PAK1: variants seen among roughly 807,000 people sequenced by gnomAD.
PAK1 encodes the protein p21 (RAC1) activated kinase 1, also known as serine/threonine-protein kinase PAK 1.
Under a neutral mutation model 67.4 loss-of-function variants are expected in PAK1, and 29 were observed. That is an observed-to-expected ratio of 0.43 (90% CI 0.32 to 0.59). The LOEUF (loss-of-function observed/expected upper bound fraction) is 0.59. Ranked by LOEUF, PAK1 falls within the 20% of genes least tolerant of loss-of-function variation. The pLI, the probability that PAK1 is intolerant of heterozygous loss-of-function variation, is 0.07. For missense variants in PAK1, 337 were observed against 670.7 expected (o/e 0.50, Z 5.50); for synonymous variants, 223 against 237.4 (o/e 0.94, Z 0.56).
chr11:77,392,245 T>C, intron 2 of PAK1, 86 bp downstream of exon 2: 1 of 960,024 alleles, frequency 1.0e-6, no homozygotes, highest in Middle Eastern at 3.4e-4. Context: ...GAAAATTAAG[T>C]CAAAGACAAC....
chr11:77,452,783 C>T (rs1382869835), intron 1 of PAK1, among the ~76,000 whole-genome samples: 1 of 152,216 alleles, frequency 6.6e-6, no homozygotes, highest in Admixed American at 6.5e-5. Context: ...GTTGGCACAT[C>T]TAATAACAAG....
rs776092150 is a variant in PAK1, at chr11:77,337,434, G to A, written c.1117-11C>T. The A allele has an allele frequency of 2.0e-6, 3 of 1,473,590 alleles. No individual in the cohort carries two copies. Among genetic ancestry groups the A allele is most frequent in the Non-Finnish European group, 2.8e-6 (3 of 1,055,416 alleles). 91.3% of individuals were successfully genotyped at this position (1,473,590 alleles called of 1,614,324 possible). On this transcript the variant is annotated splice_polypyrimidine_tract_variant and intron_variant, in intron 11 of 14. Coordinates refer to ENST00000356341, the MANE Select transcript of PAK1 (RefSeq NM_002576.5). ...CAGAGCCTGCAGACACTATTGAAGT[G>A]GTGTGGGCAGGGGGAGAAAGAAAGG...
chr11:77,360,278 C>T (rs954761695), intron 5 of PAK1, among the ~76,000 whole-genome samples: 13 of 152,146 alleles, frequency 8.5e-5, no homozygotes, highest in East Asian at 5.8e-4. Flanking sequence ...CTGACAGTGC[C>T]GGGCATATAT....
chr11:77,442,832 C>G (rs1396372312), intron 1 of PAK1, among the ~76,000 whole-genome samples: 1 of 152,096 alleles, frequency 6.6e-6, no homozygotes, highest in Non-Finnish European at 1.5e-5. Flanking sequence ...CGAAATGAAA[C>G]CCAAAGCCTC....
chr11:77,380,078 T>C (rs773485481), intron 2 of PAK1, 84 bp from the exon 3 acceptor site: 419 of 985,884 alleles, frequency 4.2e-4, no homozygotes, highest in Non-Finnish European at 6.1e-4. Context: ...TGAGCTGTAG[T>C]CTCCTTGAGA....
At chr11:77,440,835 A>T (rs931377483) in intron 1 of PAK1, among the ~76,000 whole-genome samples, 2 of 150,740 alleles carry the variant, frequency 1.3e-5, no homozygotes, top group Non-Finnish European at 2.9e-5. Flanking sequence ...AATTCCTCCC[A>T]CCTCTATCTG....
At chr11:77,496,081 C>A in the PAK1 span, among the ~76,000 whole-genome samples, 455 of 151,058 alleles carry the variant, frequency 3.0e-3, 6 homozygotes, top group African/African-American at 0.011. Context: ...TGCAGTGGCA[C>A]CATCTCGGCT....
the PAK1 span, among the ~76,000 whole-genome samples, chr11:77,524,688 T>C: frequency 6.6e-6 from 1 of 152,228 alleles, no homozygotes; most frequent in Non-Finnish European, 1.5e-5. Flanking sequence ...TGAGTCATAC[T>C]GGAAGATCAA....
intron 1 of PAK1, among the ~76,000 whole-genome samples, chr11:77,450,325 CATTA>C (rs563332550): frequency 8.1e-4 from 123 of 152,208 alleles, no homozygotes; most frequent in African/African-American, 2.9e-3. Context: ...AACTCTTGTG[CATTA>C]AAGCCACAAA....
chr11:77,478,525 C>T (rs781705798), upstream of PAK1, among the ~76,000 whole-genome samples: 1 of 152,088 alleles, frequency 6.6e-6, no homozygotes, highest in Non-Finnish European at 1.5e-5. Context: ...GTAATCCTAG[C>T]ACTTTGGGAG....
At chr11:77,357,931 A>G (rs1345334042) in intron 6 of PAK1, among the ~76,000 whole-genome samples, 2 of 151,714 alleles carry the variant, frequency 1.3e-5, no homozygotes, top group East Asian at 3.9e-4. Flanking sequence ...CTACAAACCA[A>G]AAAAAACCAT....
At chr11:77,387,881 A>G (rs919963807) in intron 2 of PAK1, among the ~76,000 whole-genome samples, 2 of 152,212 alleles carry the variant, frequency 1.3e-5, no homozygotes, top group Non-Finnish European at 2.9e-5. Context: ...AAGACTACCA[A>G]CACTGCTGTG....
Position 77,392,734 on chromosome 11 carries a change from A to C in PAK1, c.-21-193T>G, listed in dbSNP as rs182154749. On this transcript the variant is annotated intron_variant, in intron 1 of 14. Transcript: ENST00000356341. ...CCTACTATATGCCAAGCACTAATGA[A>C]AAATCACAATATCTTGCTTTTCTTT... Among the ~76,000 whole-genome samples, 327 of 152,374 alleles carry C rather than the reference A, an allele frequency of 2.1e-3. 3 individuals are homozygous for C. The highest frequency in any genetic ancestry group is 7.7e-3 in the African/African-American group (319 of 41,586).
At chr11:77,467,210 A>G (rs1394019737) in intron 1 of PAK1, among the ~76,000 whole-genome samples, 4 of 152,026 alleles carry the variant, frequency 2.6e-5, no homozygotes, top group Non-Finnish European at 5.9e-5. Flanking sequence ...TTCAGAACCC[A>G]TCTTAGATGT....
intron 1 of PAK1, among the ~76,000 whole-genome samples, chr11:77,440,589 G>C (rs1956311559): frequency 6.6e-6 from 1 of 152,120 alleles, no homozygotes; most frequent in Non-Finnish European, 1.5e-5. Flanking sequence ...CACCTCTGCT[G>C]ATTCTAAATA....
chr11:77,491,998 A>C, the PAK1 span, among the ~76,000 whole-genome samples: 2 of 152,252 alleles, frequency 1.3e-5, no homozygotes, highest in Non-Finnish European at 2.9e-5. Flanking sequence ...TGTAAAAAGC[A>C]CATGGAAATT....
intron 7 of PAK1, 139 bp from the exon 8 acceptor site, chr11:77,353,738 C>T: frequency 1.5e-6 from 1 of 660,306 alleles, no homozygotes; most frequent in South Asian, 1.8e-5. Context: ...AACAGGCCCT[C>T]AGCTTTTCCC....
chr11:77,509,128 A>G, the PAK1 span, among the ~76,000 whole-genome samples: 4 of 151,484 alleles, frequency 2.6e-5, no homozygotes, highest in Admixed American at 1.3e-4. Context: ...TGCAGTGGTG[A>G]GGGCCTGTAG....
At chr11:77,446,018 C>T (rs530075485) in intron 1 of PAK1, among the ~76,000 whole-genome samples, 1 of 152,312 alleles carries the variant, frequency 6.6e-6, no homozygotes, top group Admixed American at 6.5e-5. Context: ...TCAACAGTTC[C>T]TAAAGTATTA....
Sources: gnomAD v4.1 joint callset for allele counts (sites outside exome capture counted in the v4.1 genomes callset) on GRCh38, gnomAD v4.1.1 for gene constraint, MANE v1.5 for transcripts, NCBI Gene and HGNC (gene_info 2026-07-23, HGNC 2026-07-21) for gene names.